Variants in PDE7A observed in about 807,000 individuals in gnomAD.
The protein encoded by PDE7A is phosphodiesterase 7A.
Under a neutral mutation model 64.3 loss-of-function variants are expected in PDE7A, and 39 were observed. That is an observed-to-expected ratio of 0.61 (90% CI 0.47 to 0.79). PDE7A has a LOEUF of 0.79. Among genes scored for constraint, PDE7A ranks in the 30% least tolerant of loss-of-function variants. PDE7A has a pLI of 0.00. For synonymous variants in PDE7A, 203 were observed against 206.8 expected, an observed-to-expected ratio of 0.98 and a Z score of 0.16; for missense variants, 470 against 582.8, an observed-to-expected ratio of 0.81 and a Z score of 1.99.
Position 65,841,609 on chromosome 8 carries a change from G to C in PDE7A, c.-101C>G, listed in dbSNP as rs528711999. The C allele has an allele frequency of 0.02, 8,636 of 436,828 alleles. 124 individuals are homozygous for C. Among genetic ancestry groups the C allele is most frequent in the Middle Eastern group, 0.033 (39 of 1,174 alleles). The allele number at this position is 436,828 out of a possible 1,614,324, so 27.1% of individuals were successfully genotyped here. On this transcript the variant is annotated 5_prime_UTR_variant, in exon 1 of 13. Coordinates refer to ENST00000401827, the MANE Select transcript of PDE7A (RefSeq NM_001242318.3). ...GGCTCGGGGGCTCCGGGCCGAGACG[G>C]GGGCAGGGCGGGCGGGGACCGACCC...
intron 1 of PDE7A, among the ~76,000 whole-genome samples, chr8:65,817,180 T>A (rs746294329): frequency 2.6e-5 from 4 of 152,216 alleles, no homozygotes; most frequent in African/African-American, 4.8e-5. Flanking sequence ...AACTTTGCAA[T>A]AAATTATTTA....
chr8:65,789,932 A>G (rs954231993), intron 1 of PDE7A, among the ~76,000 whole-genome samples: 2 of 152,232 alleles, frequency 1.3e-5, no homozygotes, highest in African/African-American at 4.8e-5. Context: ...AAATTATGTA[A>G]ATAAACACAA....
At chr8:65,745,546 G>T in intron 4 of PDE7A, 76 bp from the exon 5 acceptor site, 1 of 802,056 alleles carries the variant, frequency 1.2e-6, no homozygotes, top group Non-Finnish European at 2.1e-6. Context: ...CCATAGAGAA[G>T]TTAAAGAAAA....
At chr8:65,814,091 A>ATG (rs1810320539) in intron 1 of PDE7A, among the ~76,000 whole-genome samples, 1 of 152,184 alleles carries the variant, frequency 6.6e-6, no homozygotes, top group Non-Finnish European at 1.5e-5. Context: ...ACCTTGGCTT[A>ATG]CATAACCAAT....
At chr8:65,766,715 A>G (rs1468502561) in intron 3 of PDE7A, among the ~76,000 whole-genome samples, 1 of 152,120 alleles carries the variant, frequency 6.6e-6, no homozygotes, top group East Asian at 1.9e-4. Context: ...CCCATTGCTC[A>G]TTGTTATTAA....
intron 1 of PDE7A, among the ~76,000 whole-genome samples, chr8:65,804,849 T>C (rs1175943662): frequency 6.6e-6 from 1 of 151,762 alleles, no homozygotes; most frequent in African/African-American, 2.4e-5. Context: ...AAGTTTTCTT[T>C]TATTTTGAGA....
chr8:65,802,180 G>A (rs548179780), intron 1 of PDE7A, among the ~76,000 whole-genome samples: 36 of 152,300 alleles, frequency 2.4e-4, no homozygotes, highest in Admixed American at 2.6e-4. Context: ...GGGGAGAGCA[G>A]GGAATAGCAA....
chr8:65,813,474 T>C (rs1322930983), intron 1 of PDE7A, among the ~76,000 whole-genome samples: 1 of 152,184 alleles, frequency 6.6e-6, no homozygotes, highest in Non-Finnish European at 1.5e-5. Context: ...GACCATTTAG[T>C]GAATCTTCTT....
At chr8:65,760,938 C>CA (rs1554561990) in intron 3 of PDE7A, among the ~76,000 whole-genome samples, 13 of 151,992 alleles carry the variant, frequency 8.6e-5, no homozygotes, top group Non-Finnish European at 1.5e-4. Context: ...AGAGAGGATA[C>CA]ATGAGGAACT....
At chr8:65,757,186 G>C (rs1002461716) in intron 3 of PDE7A, among the ~76,000 whole-genome samples, 6 of 152,242 alleles carry the variant, frequency 3.9e-5, no homozygotes, top group Non-Finnish European at 5.9e-5. Flanking sequence ...GCAGACATTA[G>C]AGTCCTGCCT....
chr8:65,780,045 A>G (rs1302826621), intron 2 of PDE7A, among the ~76,000 whole-genome samples: 1 of 151,996 alleles, frequency 6.6e-6, no homozygotes, highest in African/African-American at 2.4e-5. Context: ...ATTATAATCT[A>G]TATTTTAATA....
At chr8:65,720,870 C>T (rs1010977332) in intron 12 of PDE7A, among the ~76,000 whole-genome samples, 1 of 152,196 alleles carries the variant, frequency 6.6e-6, no homozygotes, top group Non-Finnish European at 1.5e-5. Flanking sequence ...CCCTGTCTTT[C>T]CTACGTGCCA....
At chr8:65,735,234 G>A (rs1466365732) in intron 6 of PDE7A, among the ~76,000 whole-genome samples, 6 of 152,270 alleles carry the variant, frequency 3.9e-5, no homozygotes, top group South Asian at 4.1e-4. Context: ...CACAATCGCC[G>A]AGTGAGCGGG....
chr8:65,738,033 C>T (rs905639827), intron 6 of PDE7A, among the ~76,000 whole-genome samples: 7 of 151,956 alleles, frequency 4.6e-5, no homozygotes, highest in African/African-American at 1.7e-4. Context: ...TGTTAAGTTC[C>T]AGACTACTAA....
rs201429341 is a variant in PDE7A, at chr8:65,794,652, TTTGAA to T, written c.139-11814_139-11810del. On this transcript the variant is annotated intron_variant, in intron 1 of 12. Transcript: ENST00000401827. ...ATTTTCTGAAGTATACTTGAGGCAC[TTTGAA>T]TTGAATAGTACTATTTCATCTCCAC... Among the ~76,000 whole-genome samples, 616 of 152,334 alleles carry T rather than the reference TTTGAA, an allele frequency of 4.0e-3. 11 individuals are homozygous for T. Among genetic ancestry groups the T allele is most frequent in the Admixed American group, 0.034 (526 of 15,300 alleles).
chr8:65,735,817 G>A (rs1807106816), intron 6 of PDE7A, among the ~76,000 whole-genome samples: 1 of 151,764 alleles, frequency 6.6e-6, no homozygotes, highest in East Asian at 1.9e-4. Flanking sequence ...TCACAATGGG[G>A]TTTCACCATG....
intron 6 of PDE7A, among the ~76,000 whole-genome samples, chr8:65,735,208 A>G (rs1435164836): frequency 6.6e-6 from 1 of 152,174 alleles, no homozygotes; most frequent in East Asian, 1.9e-4. Context: ...AAGCGAGCCT[A>G]CCTGTGATGG....
chr8:65,777,361 G>C (rs1187224299), intron 3 of PDE7A, among the ~76,000 whole-genome samples: 2 of 152,098 alleles, frequency 1.3e-5, no homozygotes, highest in Non-Finnish European at 2.9e-5. Context: ...TTACAAGCGT[G>C]AGCCACAACT....
At chr8:65,826,509 G>A (rs1485219151) in intron 1 of PDE7A, among the ~76,000 whole-genome samples, 1 of 152,160 alleles carries the variant, frequency 6.6e-6, no homozygotes, top group Admixed American at 6.5e-5. Flanking sequence ...ACATTCTAGT[G>A]AAAACATGTA....
Sources: gnomAD v4.1 joint callset for allele counts (sites outside exome capture counted in the v4.1 genomes callset) on GRCh38, gnomAD v4.1.1 for gene constraint, MANE v1.5 for transcripts, NCBI Gene and HGNC (gene_info 2026-07-23, HGNC 2026-07-21) for gene names.